Variants in PRPF6 observed in about 807,000 individuals in gnomAD.
PRPF6 encodes pre-mRNA processing factor 6.
Under a neutral mutation model 118.3 loss-of-function variants are expected in PRPF6, and 42 were observed. The ratio of observed to expected loss-of-function variants is 0.35; its 90% CI spans 0.28 to 0.46. PRPF6 has a LOEUF of 0.46. PRPF6 is among the 20% of genes least tolerant of loss of function. The pLI is 1.00. For missense variants in PRPF6, 662 were observed against 1,255.7 expected, an observed-to-expected ratio of 0.53 and a Z score of 7.15; for synonymous variants, 481 against 485.1, an observed-to-expected ratio of 0.99 and a Z score of 0.11.
chr20:64,021,343 CTGTG>C (rs1000791903), intron 12 of PRPF6, among the ~76,000 whole-genome samples: 2 of 140,456 alleles, frequency 1.4e-5, no homozygotes, highest in South Asian at 2.4e-4. Context: ...AGCCGTGTGT[CTGTG>C]TGTGTGTGCG....
In PRPF6 at chr20:64,010,098, CA is replaced by C. The variant is rs1266846630; in HGVS notation, c.1187-101del. ...AGGTGTGTGGTCCCTGACTGTCAAC[CA>C]GGGAAGTCCGTCTCATCCTGACCAG... On this transcript the variant is annotated intron_variant, in intron 9 of 20. Transcript: ENST00000266079. 3.0e-6 allele frequency: 3 copies of C among 1,000,778 alleles called. No individual in the cohort carries two copies. The South Asian group carries it at 3.8e-5, about 13-fold the overall frequency. The allele number at this position is 1,000,778 out of a possible 1,614,324, so 62.0% of individuals were successfully genotyped here.
intron 13 of PRPF6, among the ~76,000 whole-genome samples, chr20:64,023,582 G>A (rs1166647679): frequency 6.6e-6 from 1 of 150,378 alleles, no homozygotes; most frequent in South Asian, 2.1e-4. Context: ...CTTTTCTGGT[G>A]TGATTTAATC....
intron 14 of PRPF6, among the ~76,000 whole-genome samples, chr20:64,025,273 G>A (rs1385882155): frequency 1.3e-5 from 2 of 152,204 alleles, no homozygotes; most frequent in Non-Finnish European, 2.9e-5. Flanking sequence ...ACTCCTGTGA[G>A]TAACTGCAGC....
intron 2 of PRPF6, among the ~76,000 whole-genome samples, chr20:63,983,857 T>C (rs544754388): frequency 6.6e-6 from 1 of 152,264 alleles, no homozygotes; most frequent in Admixed American, 6.5e-5. Flanking sequence ...TTCTCCATGT[T>C]GGTCAGGCTG....
At chr20:63,983,278 G>T in intron 2 of PRPF6, 63 bp downstream of exon 2, 2 of 1,594,796 alleles carry the variant, frequency 1.3e-6, no homozygotes, top group South Asian at 2.2e-5. Context: ...GACCTAACCA[G>T]TGTGTGTTGG....
chr20:64,015,020 T>C (rs761420096), intron 11 of PRPF6, among the ~76,000 whole-genome samples: 16 of 152,222 alleles, frequency 1.1e-4, no homozygotes, highest in Non-Finnish European at 2.2e-4. Context: ...TGAAATCCTT[T>C]GCCTACTTTT....
chr20:64,031,682 A>C (rs8114028), intron 19 of PRPF6, among the ~76,000 whole-genome samples: 66 of 147,114 alleles, frequency 4.5e-4, no homozygotes, highest in African/African-American at 1.8e-3. Flanking sequence ...CAAAAAAAAA[A>C]AAAAAAAAAC....
In PRPF6 at chr20:63,999,134, C is replaced by T. The variant is rs150159851; in HGVS notation, c.861C>T (p.Asp287=). 1.9e-6 allele frequency: 3 copies of T among 1,613,662 alleles called. No individual in the cohort carries two copies. The highest frequency in any genetic ancestry group is 2.5e-6 in the Non-Finnish European group (3 of 1,179,770). ...LNSMIPTHGG[D]INDIKKARLL... ...CCATGATCCCGACACACGGAGGAGA[C>T]ATCAAGTGAGTGCTTTGCAGAATCG... Residue 287 remains aspartate (D), a synonymous_variant, in exon 7 of 21, where the codon GAC becomes GAT. Coordinates refer to ENST00000266079, the MANE Select transcript of PRPF6 (RefSeq NM_012469.4).
In PRPF6 at chr20:64,029,488, C is replaced by T; in HGVS notation, c.2543C>T (p.Ala848Val). Residue 848 changes from alanine (A) to valine (V), a missense_variant, in exon 19 of 21, where the codon GCC (alanine) becomes GTC (valine). This residue lies in a region of PRPF6 where 244 missense variants were observed against 383.7 expected (regional missense o/e 0.64). Transcript: ENST00000266079. This position sits in a 1 kb window ranked among gnomAD's most constrained non-coding sequence, Gnocchi z 4.8. The stretch of plus-strand genomic sequence containing the variant: ...GACCCCCATGTGCTCCTGGCCGTGG[C>T]CAAGTGAGTGGGGCCCCCACAGGAT... ...EHDPHVLLAV[A>V]KLFWSQRKIT... is the part of the protein sequence containing the mutation. 1 of 1,614,022 alleles carries T rather than the reference C, an allele frequency of 6.2e-7. No individual in the cohort carries two copies. The highest frequency in any genetic ancestry group is 8.5e-7 in the Non-Finnish European group (1 of 1,179,998).
At chr20:63,995,241 C>T (rs2059136067) in intron 5 of PRPF6, 86 bp from the exon 6 acceptor site, 1 of 1,573,020 alleles carries the variant, frequency 6.4e-7, no homozygotes, top group Non-Finnish European at 8.7e-7. Flanking sequence ...TGTCAGGCCA[C>T]TGGGGAAGTA....
At chr20:63,981,857 C>T (rs190599922) in intron 1 of PRPF6, among the ~76,000 whole-genome samples, 34 of 152,084 alleles carry the variant, frequency 2.2e-4, no homozygotes, top group Non-Finnish European at 2.9e-4. Flanking sequence ...GGAGGGTTTG[C>T]TATTACCATA....
intron 9 of PRPF6, among the ~76,000 whole-genome samples, chr20:64,007,389 T>G (rs1479508018): frequency 1.9e-5 from 1 of 51,522 alleles, no homozygotes; most frequent in Non-Finnish European, 3.8e-5. Flanking sequence ...CCCTCCCCTC[T>G]GCCTCCCGTC....
At position 64,028,401 on chromosome 20, in the gene PRPF6, A is replaced by G; in HGVS notation, c.2340-77A>G. On this transcript the variant is annotated intron_variant, in intron 17 of 20. Transcript: ENST00000266079. This position sits in a 1 kb window ranked among gnomAD's most constrained non-coding sequence, Gnocchi z 6.5. ...GTGACTGGGTGGAGAGCCCTTTCAG[A>G]CAAGGCTTCCCAGAAGCTACCAGAA... The G allele has an allele frequency of 1.3e-6, 2 of 1,486,768 alleles. No individual in the cohort carries two copies. Among genetic ancestry groups the G allele is most frequent in the South Asian group, 2.3e-5 (2 of 88,428 alleles). The allele number at this position is 1,486,768 out of a possible 1,614,324, so 92.1% of individuals were successfully genotyped here.
chr20:64,031,882 C>T (rs45597833), intron 19 of PRPF6, 36 bp from the exon 20 acceptor site: 72,727 of 1,613,704 alleles, frequency 0.045, 1,954 homozygotes, highest in Non-Finnish European at 0.055. Flanking sequence ...GTCCTGCAGC[C>T]ACTCACTCTG....
chr20:64,025,686 G>A (rs1029653783), intron 14 of PRPF6, among the ~76,000 whole-genome samples: 2 of 152,250 alleles, frequency 1.3e-5, no homozygotes, highest in East Asian at 1.9e-4. Flanking sequence ...GTTATTGCTC[G>A]AGTGCTTTAG....
chr20:64,000,089 C>CCTA (rs1409202227), intron 8 of PRPF6, among the ~76,000 whole-genome samples: 1 of 152,058 alleles, frequency 6.6e-6, no homozygotes, highest in Non-Finnish European at 1.5e-5. Context: ...GTAGCTGGCA[C>CCTA]TATAGGCGCC....
chr20:63,996,901 C>T (rs1307417392), intron 6 of PRPF6, among the ~76,000 whole-genome samples: 1 of 152,142 alleles, frequency 6.6e-6, no homozygotes, highest in Middle Eastern at 3.2e-3. Context: ...TGCACACCAG[C>T]CTGGGTTACG....
Position 64,029,088 on chromosome 20 carries a change from G to T in PRPF6, c.2432-289G>T, listed in dbSNP as rs1026262893. 2.0e-5 allele frequency among the ~76,000 whole-genome samples: 3 copies of T among 152,148 alleles called. No individual in the cohort carries two copies. The highest frequency in any genetic ancestry group is 4.4e-5 in the Non-Finnish European group (3 of 68,016). On this transcript the variant is annotated intron_variant, in intron 18 of 20. Coordinates refer to ENST00000266079, the MANE Select transcript of PRPF6 (RefSeq NM_012469.4). This position sits in a 1 kb window ranked among gnomAD's most constrained non-coding sequence, Gnocchi z 4.8. ...AGGCTGAGGCAGGAGAATTGCTTGA[G>T]CCCGGGAGTGGGAGGTTGCAGTGAG...
chr20:64,024,829 T>G, intron 14 of PRPF6, 136 bp downstream of exon 14: 1 of 1,338,896 alleles, frequency 7.5e-7, no homozygotes, highest in Non-Finnish European at 1.0e-6. Context: ...CAGGGGCTGC[T>G]CCACAGGAGC....
Sources: gnomAD v4.1 joint callset for allele counts (sites outside exome capture counted in the v4.1 genomes callset) on GRCh38, gnomAD v4.1.1 for gene constraint, gnomAD v4.1.1 regional missense constraint, Gnocchi (gnomAD v3.1) non-coding constraint, MANE v1.5 for transcripts, NCBI Gene and HGNC (gene_info 2026-07-23, HGNC 2026-07-21) for gene names.